The following PAX8 variants were observed in gnomAD, a reference collection of about 807,000 sequenced individuals.
PAX8 encodes the protein paired box protein Pax-8.
A neutral mutation model predicts 52.4 loss-of-function variants in PAX8; 15 were observed. That is an observed-to-expected ratio of 0.29 (90% confidence interval 0.19 to 0.44). The LOEUF is 0.44. Among genes scored for constraint, PAX8 ranks in the 20% least tolerant of loss-of-function variants. The pLI is 1.00. For missense variants in PAX8, 554 were observed against 602.5 expected (o/e 0.92, Z 0.84); for synonymous variants, 284 against 249.7 (o/e 1.14, Z -1.29).
At chr2:113,261,965 G>A (rs1692716210) in intron 2 of PAX8, among the ~76,000 whole-genome samples, 1 of 152,054 alleles carries the variant, frequency 6.6e-6, no homozygotes. Context: ...AAGCAGCTGG[G>A]ATTATAGCCG....
At chr2:113,247,889 G>A (rs1691455971) in intron 2 of PAX8, among the ~76,000 whole-genome samples, 2 of 152,194 alleles carry the variant, frequency 1.3e-5, no homozygotes, top group Admixed American at 1.3e-4. Context: ...AACATATTTT[G>A]TGACCACTTT....
At chr2:113,223,159 C>T (rs56865224) in intron 10 of PAX8, among the ~76,000 whole-genome samples, 19,056 of 151,860 alleles carry the variant, frequency 0.13, 1,376 homozygotes, top group African/African-American at 0.2. Context: ...AATCATAACA[C>T]GGCCCAAAAA....
At chr2:113,226,427 C>A in intron 10 of PAX8, 1 of 985,964 alleles carries the variant, frequency 1.0e-6, no homozygotes, top group Non-Finnish European at 1.2e-6. Context: ...CCCAAGGAAA[C>A]TCCCATTATC....
At chr2:113,230,712 A>G (rs1470143976) in intron 9 of PAX8, 1 of 152,248 alleles carries the variant, frequency 6.6e-6, no homozygotes, top group African/African-American at 2.4e-5. Flanking sequence ...GCTTAAATGC[A>G]TAGTTTCTTC....
At chr2:113,278,092 AG>A (rs1040955877) in intron 2 of PAX8, among the ~76,000 whole-genome samples, 1 of 152,188 alleles carries the variant, frequency 6.6e-6, no homozygotes, top group African/African-American at 2.4e-5. Context: ...TGGAGCTCAA[AG>A]GAAACCCCCT....
At chr2:113,244,286 G>A (rs1691127350) in intron 4 of PAX8, 141 bp downstream of exon 4, 1 of 754,090 alleles carries the variant, frequency 1.3e-6, no homozygotes, top group Non-Finnish European at 2.4e-6. Context: ...CTGGAGCCAG[G>A]TGTGCTCCCT....
intron 2 of PAX8, 128 bp downstream of exon 2, chr2:113,278,242 G>A: frequency 1.4e-6 from 1 of 740,616 alleles, no homozygotes; most frequent in South Asian, 1.8e-5. Flanking sequence ...AGGCGCCCCA[G>A]CTGGGTCCCC....
chr2:113,250,812 G>A (rs1031313393), intron 2 of PAX8: 5 of 152,236 alleles, frequency 3.3e-5, no homozygotes, highest in African/African-American at 1.2e-4. Context: ...AAGAATCCTG[G>A]CCTTCAAGGA....
At chr2:113,226,754 C>G (rs756351320) in intron 10 of PAX8, 29 of 1,158,192 alleles carry the variant, frequency 2.5e-5, no homozygotes, top group Non-Finnish European at 3.1e-5. Flanking sequence ...AGTTAAATCA[C>G]TGGGAGACCA....
intron 2 of PAX8, among the ~76,000 whole-genome samples, chr2:113,253,853 T>G (rs545623774): frequency 3.1e-4 from 47 of 152,272 alleles, no homozygotes; most frequent in African/African-American, 1.1e-3. Flanking sequence ...GGAGGAATTT[T>G]GGGGGGACTG....
chr2:113,273,100 A>C (rs542620789), intron 2 of PAX8: 1 of 152,354 alleles, frequency 6.6e-6, no homozygotes, highest in South Asian at 2.1e-4. Context: ...AGAACTCAGC[A>C]CTTCTTGGAC....
At position 113,278,902 on chromosome 2, in the gene PAX8, T is replaced by C; in HGVS notation, c.-147A>G. ...GGTGCCCTGGGCCCGGTGTCTCTCC[T>C]CCTTCTGAAGTTTGTTCCCATCCAC... On this transcript the variant is annotated 5_prime_UTR_variant, in exon 1 of 12. Transcript: ENST00000429538. The C allele has an allele frequency of 9.5e-7, 1 of 1,049,738 alleles. No homozygotes were observed. Among genetic ancestry groups the C allele is most frequent in the African/African-American group, 1.7e-5 (1 of 59,830 alleles). 65.0% of individuals were successfully genotyped at this position (1,049,738 alleles called of 1,614,324 possible). A position where few individuals can be genotyped will look rare whatever the true frequency, so the allele number is the denominator to read the frequency against.
chr2:113,273,830 T>C (rs1693628836), intron 2 of PAX8: 1 of 152,228 alleles, frequency 6.6e-6, no homozygotes, highest in South Asian at 2.1e-4. Context: ...GTATGTGATA[T>C]TATCTGATGT....
At chr2:113,231,750 T>C (rs7563094) in intron 9 of PAX8, among the ~76,000 whole-genome samples, 56,389 of 152,120 alleles carry the variant, frequency 0.37, 10,532 homozygotes, top group South Asian at 0.45. Flanking sequence ...TTTTTTGAGA[T>C]GGAGTTTCGC....
At chr2:113,271,543 C>G (rs1269559088) in intron 2 of PAX8, 1 of 151,752 alleles carries the variant, frequency 6.6e-6, no homozygotes, top group Non-Finnish European at 1.5e-5. Context: ...GAGAACCATA[C>G]TGGAAAGGGG....
chr2:113,247,573 A>G (rs1691434042), intron 2 of PAX8, among the ~76,000 whole-genome samples: 1 of 152,180 alleles, frequency 6.6e-6, no homozygotes, highest in Non-Finnish European at 1.5e-5. Flanking sequence ...CCTCACAGGC[A>G]TAGATAGCAC....
At chr2:113,265,609 A>G (rs1251021171) in intron 2 of PAX8, 1 of 152,106 alleles carries the variant, frequency 6.6e-6, no homozygotes, top group Non-Finnish European at 1.5e-5. Flanking sequence ...TCCCTCTCCT[A>G]CTTGCTCAGC....
intron 2 of PAX8, chr2:113,250,992 G>A (rs1691714722): frequency 6.7e-6 from 1 of 149,218 alleles, no homozygotes; most frequent in Non-Finnish European, 1.5e-5. Context: ...TTTCTTCAGG[G>A]GGAAAGAAAT....
chr2:113,226,861 T>C, intron 10 of PAX8: 1 of 1,310,344 alleles, frequency 7.6e-7, no homozygotes, highest in Non-Finnish European at 9.8e-7. Flanking sequence ...GAAGAAGTGG[T>C]GGAGCTTGGA....
Sources: gnomAD v4.1 joint callset for allele counts (sites outside exome capture counted in the v4.1 genomes callset) on GRCh38, gnomAD v4.1.1 for gene constraint, MANE v1.5 for transcripts, NCBI Gene and HGNC (gene_info 2026-07-23, HGNC 2026-07-21) for gene names.